The following ARHGAP6 variants were observed in gnomAD, a reference collection of about 807,000 sequenced individuals.
The protein encoded by ARHGAP6 is Rho GTPase activating protein 6.
Under a neutral mutation model 55.7 loss-of-function variants are expected in ARHGAP6, and 16 were observed. The ratio of observed to expected loss-of-function variants is 0.29; its 90% CI spans 0.19 to 0.44. ARHGAP6 has a LOEUF of 0.44. Among genes scored for constraint, ARHGAP6 ranks in the 20% least tolerant of loss-of-function variants. The pLI, the probability that ARHGAP6 is intolerant of heterozygous loss-of-function variation, is 1.00. For synonymous variants in ARHGAP6, 382 were observed against 360.9 expected (o/e 1.06, Z -0.66); for missense variants, 698 against 808.9 (o/e 0.86, Z 1.66).
intron 1 of ARHGAP6, among the ~76,000 whole-genome samples, chrX:11,567,058 G>T (rs1289414300): frequency 2.7e-5 from 3 of 111,951 alleles, no homozygotes; most frequent in African/African-American, 9.7e-5. Flanking sequence ...ATGCAGTCTG[G>T]CCCACCCAGA....
At chrX:11,205,468 C>A (rs1206579025) in intron 2 of ARHGAP6, among the ~76,000 whole-genome samples, 1 of 112,072 alleles carries the variant, frequency 8.9e-6, no homozygotes, top group African/African-American at 3.2e-5. Context: ...AACCTATATT[C>A]TCTCTTGGCT....
chrX:11,271,727 T>C (rs1213648579), intron 1 of ARHGAP6, among the ~76,000 whole-genome samples: 1 of 111,927 alleles, frequency 8.9e-6, no homozygotes, highest in Non-Finnish European at 1.9e-5. Flanking sequence ...TACCACTTCA[T>C]TCTAAGTGGG....
chrX:11,349,699 G>A (rs953681917), intron 1 of ARHGAP6, among the ~76,000 whole-genome samples: 3 of 112,118 alleles, frequency 2.7e-5, no homozygotes, highest in Non-Finnish European at 5.6e-5. Flanking sequence ...ACTAAGGTAA[G>A]GAGACCCAAT....
chrX:11,467,547 T>C (rs922763505), intron 1 of ARHGAP6, among the ~76,000 whole-genome samples: 3 of 111,583 alleles, frequency 2.7e-5, no homozygotes, highest in Admixed American at 1.9e-4. Context: ...ATACATAGAA[T>C]GAAATGCCAC....
intron 1 of ARHGAP6, among the ~76,000 whole-genome samples, chrX:11,276,921 G>A (rs1420330810): frequency 2.7e-5 from 3 of 111,549 alleles, no homozygotes; most frequent in East Asian, 5.6e-4. Context: ...ACTTTAAAGT[G>A]TATAGTTCTG....
chrX:11,191,181 G>T (rs2046455586), intron 3 of ARHGAP6, among the ~76,000 whole-genome samples: 1 of 112,710 alleles, frequency 8.9e-6, no homozygotes, highest in South Asian at 3.6e-4. Flanking sequence ...CTGGGGCTTA[G>T]AATGGCTAGG....
In ARHGAP6 at chrX:11,144,067, A is replaced by G. The variant is rs745700982; in HGVS notation, c.2089T>C (p.Tyr697His). 7.4e-6 allele frequency: 9 copies of G among 1,211,365 alleles called. No individual in the cohort carries two copies. Among genetic ancestry groups the G allele is most frequent in the Non-Finnish European group, 1.0e-5 (9 of 895,344 alleles). ...AGCATAAACTGCCCTGGCACTCTGT[A>G]AAGCTTCTCCGAGCCCCCCGGGGCC... ...DAAPGGSEKLYRVPGQFMLVG... is the reference protein window; with the variant it reads ...DAAPGGSEKLHRVPGQFMLVG... Residue 697 changes from tyrosine (Y) to histidine (H), a missense_variant, in exon 11 of 13, where the codon TAC becomes CAC. Tyr to His is a moderately conservative substitution (Grantham distance 83). Around this residue, in one of 3 missense-constraint regions of ARHGAP6, gnomAD observed 322 missense variants for 451.1 expected, o/e 0.71. Transcript: ENST00000337414.
At chrX:11,202,615 C>G (rs758879044) in intron 2 of ARHGAP6, among the ~76,000 whole-genome samples, 1 of 108,815 alleles carries the variant, frequency 9.2e-6, no homozygotes, top group Non-Finnish European at 1.9e-5. Context: ...CGAGACTAGC[C>G]TGGCCAACCT....
At position 11,660,447 on chromosome X, in the gene ARHGAP6, C is replaced by T. The variant is rs747970655; in HGVS notation, c.588+3794G>A. ...ACTGGGGAGGCTGAGGCAGGAGAAT[C>T]GCTTGAACATGGGAGGTTGCATTGA... On this transcript the variant is annotated intron_variant, in intron 1 of 12. Transcript: ENST00000337414. 1.1e-3 allele frequency among the ~76,000 whole-genome samples: 109 copies of T among 97,398 alleles called. 1 individual carries two copies. The highest frequency in any genetic ancestry group is 4.0e-3 in the African/African-American group (106 of 26,608). 84.6% of individuals were successfully genotyped at this position (97,398 alleles called of 115,157 possible). A position where few individuals can be genotyped will look rare whatever the true frequency, so the allele number is the denominator to read the frequency against.
At chrX:11,384,439 G>GT (rs1436352951) in intron 1 of ARHGAP6, among the ~76,000 whole-genome samples, 4 of 112,188 alleles carry the variant, frequency 3.6e-5, no homozygotes, top group Non-Finnish European at 7.5e-5. Flanking sequence ...TCTGTGAAAA[G>GT]TCATGAGAAC....
chrX:11,319,496 A>T (rs954770591), intron 1 of ARHGAP6, among the ~76,000 whole-genome samples: 7 of 111,787 alleles, frequency 6.3e-5, no homozygotes, highest in Non-Finnish European at 3.8e-5. Flanking sequence ...CACTTTGAGA[A>T]CTGCTGCTTA....
At chrX:11,288,029 T>C (rs1490056843) in intron 1 of ARHGAP6, among the ~76,000 whole-genome samples, 1 of 112,257 alleles carries the variant, frequency 8.9e-6, no homozygotes, top group Admixed American at 9.4e-5. Context: ...CCTCACCTTC[T>C]TCAAGAAATT....
At chrX:11,589,383 T>C (rs976494752) in intron 1 of ARHGAP6, among the ~76,000 whole-genome samples, 2 of 107,856 alleles carry the variant, frequency 1.9e-5, no homozygotes. Flanking sequence ...CACTTTTAAA[T>C]AATGAAGAAC....
At chrX:11,562,866 T>C (rs183818759) in intron 1 of ARHGAP6, among the ~76,000 whole-genome samples, 10 of 112,135 alleles carry the variant, frequency 8.9e-5, no homozygotes, top group African/African-American at 3.2e-4. Flanking sequence ...TCACGCCTCC[T>C]AGAAAAAGTT....
chrX:11,152,461 TTTAAGGGCTTC>T (rs1341042230), intron 10 of ARHGAP6, among the ~76,000 whole-genome samples: 4 of 111,941 alleles, frequency 3.6e-5, no homozygotes, highest in Non-Finnish European at 7.5e-5. Flanking sequence ...CAGCCTGCCA[TTTAAGGGCTTC>T]TACCTTCACT....
intron 1 of ARHGAP6, among the ~76,000 whole-genome samples, chrX:11,656,917 T>C (rs1167231959): frequency 8.9e-6 from 1 of 112,352 alleles, no homozygotes; most frequent in East Asian, 2.8e-4. Flanking sequence ...GAAAAAACTA[T>C]AGAGATTAAT....
At chrX:11,378,875 T>C (rs1345718505) in intron 1 of ARHGAP6, among the ~76,000 whole-genome samples, 1 of 112,917 alleles carries the variant, frequency 8.9e-6, no homozygotes, top group Admixed American at 9.3e-5. Flanking sequence ...CGTGTTCTAC[T>C]TCACTCAAGC....
intron 1 of ARHGAP6, among the ~76,000 whole-genome samples, chrX:11,344,272 T>C (rs1462815321): frequency 9.0e-6 from 1 of 111,724 alleles, no homozygotes; most frequent in Non-Finnish European, 1.9e-5. Flanking sequence ...TAATAAAAAA[T>C]GTCCCATTGT....
At chrX:11,542,836 T>C (rs1413874358) in intron 1 of ARHGAP6, among the ~76,000 whole-genome samples, 1 of 111,791 alleles carries the variant, frequency 8.9e-6, no homozygotes, top group Non-Finnish European at 1.9e-5. Context: ...AAATATTTCT[T>C]TGAGGCTAGG....
Sources: gnomAD v4.1 joint callset for allele counts (sites outside exome capture counted in the v4.1 genomes callset) on GRCh38, gnomAD v4.1.1 for gene constraint, gnomAD v4.1.1 regional missense constraint, MANE v1.5 for transcripts, NCBI Gene and HGNC (gene_info 2026-07-23, HGNC 2026-07-21) for gene names.